MFHAS1: variants seen among roughly 807,000 people sequenced by gnomAD.
The protein encoded by MFHAS1 is multifunctional ROCO family signaling regulator 1, also known as malignant fibrous histiocytoma-amplified sequence 1.
In MFHAS1, 50 loss-of-function variants were observed where a neutral mutation model predicts 70.4. That is an observed-to-expected ratio of 0.71 (90% CI 0.57 to 0.90). MFHAS1 has a LOEUF of 0.90. Ranked by LOEUF, MFHAS1 falls within the 40% of genes least tolerant of loss-of-function variation. The pLI, the probability that MFHAS1 is intolerant of heterozygous loss-of-function variation, is 0.00. For synonymous variants in MFHAS1, 952 were observed against 620.0 expected, an observed-to-expected ratio of 1.54 and a Z score of -7.96; for missense variants, 1,795 against 1,347.6, an observed-to-expected ratio of 1.33 and a Z score of -5.20.
At chr8:8,800,859 G>A (rs976101343) in intron 1 of MFHAS1, among the ~76,000 whole-genome samples, 1 of 152,046 alleles carries the variant, frequency 6.6e-6, no homozygotes, top group East Asian at 1.9e-4. Context: ...CACCAGCCTG[G>A]TGCAGCAGGC....
chr8:8,818,441 A>C (rs1350216561), intron 1 of MFHAS1, among the ~76,000 whole-genome samples: 2 of 152,216 alleles, frequency 1.3e-5, no homozygotes, highest in Non-Finnish European at 2.9e-5. Context: ...GAGGAAGAGA[A>C]GGAGAAGGAC....
chr8:8,858,667 C>T (rs80025244), intron 1 of MFHAS1, among the ~76,000 whole-genome samples: 4,139 of 152,100 alleles, frequency 0.027, 192 homozygotes, highest in East Asian at 0.21. Flanking sequence ...GGTTCTAGGG[C>T]CCCCATCCCC....
At chr8:8,789,519 A>G (rs975674933) in intron 2 of MFHAS1, among the ~76,000 whole-genome samples, 8 of 152,162 alleles carry the variant, frequency 5.3e-5, no homozygotes, top group Admixed American at 4.6e-4. Flanking sequence ...TAGGGAATTG[A>G]AATCTGCCCT....
At position 8,862,680 on chromosome 8, in the gene MFHAS1, T is replaced by C. The variant is rs79557264; in HGVS notation, c.2998+27381A>G. Among the ~76,000 whole-genome samples, 519 of 152,274 alleles carry C rather than the reference T, an allele frequency of 3.4e-3. 7 individuals carry two copies. The highest frequency in any genetic ancestry group is 0.03 in the East Asian group (155 of 5,176). On this transcript the variant is annotated intron_variant, in intron 1 of 2. Transcript: ENST00000276282. Reference sequence around the variant, plus strand: ...CTAATTACACATTTGTCCAAACTCATAGAACACTAAGAGTGAACCCTACCT... The same window carrying C: ...CTAATTACACATTTGTCCAAACTCACAGAACACTAAGAGTGAACCCTACCT...
At position 8,835,746 on chromosome 8, in the gene MFHAS1, G is replaced by A. The variant is rs1214083277; in HGVS notation, c.2999-38255C>T. Among the ~76,000 whole-genome samples the A allele has an allele frequency of 3.9e-5, 6 of 152,144 alleles. No homozygotes were observed. The East Asian group carries it at 7.7e-4, about 19-fold the overall frequency. Reference sequence around the variant, plus strand: ...GTATTTGGGACACCCATTATACTACGTAGAAGAGTCAATATTCAGACCCAG... The same window carrying A: ...GTATTTGGGACACCCATTATACTACATAGAAGAGTCAATATTCAGACCCAG... On this transcript the variant is annotated intron_variant, in intron 1 of 2. Transcript: ENST00000276282.
At chr8:8,790,703 C>G (rs1476994744) in intron 2 of MFHAS1, among the ~76,000 whole-genome samples, 1 of 152,106 alleles carries the variant, frequency 6.6e-6, no homozygotes, top group Non-Finnish European at 1.5e-5. Context: ...TGTGATGAAG[C>G]CTAATTCATA....
chr8:8,888,505 A>G (rs540852494), intron 1 of MFHAS1, among the ~76,000 whole-genome samples: 3 of 149,926 alleles, frequency 2.0e-5, no homozygotes, highest in African/African-American at 7.3e-5. Context: ...TCCACAAAAA[A>G]ACAAAAAACA....
At position 8,892,963 on chromosome 8, in the gene MFHAS1, G is replaced by A. The variant is rs1343668851; in HGVS notation, c.96C>T (p.Leu32=). ...ARKLRSNLRQ[L]TLTAAGACPG... is the part of the protein sequence containing the mutation. ...GGCAGGCCCCGGCGGCGGTAAGCGT[G>A]AGCTGGCGCAGGTTGCTCCGCAGCT... Residue 32 remains leucine, a synonymous_variant, in exon 1 of 3, where the codon CTC becomes CTT. Coordinates refer to ENST00000276282, the MANE Select transcript of MFHAS1 (RefSeq NM_004225.3). The surrounding 1 kb of genome is among the most constrained non-coding windows in gnomAD (Gnocchi z 4.7). The A allele has an allele frequency of 1.4e-5, 21 of 1,544,164 alleles. No individual in the cohort carries two copies. The highest frequency in any genetic ancestry group is 1.7e-5 in the Non-Finnish European group (20 of 1,147,184).
At chr8:8,870,640 C>T (rs1485674826) in intron 1 of MFHAS1, among the ~76,000 whole-genome samples, 1 of 152,058 alleles carries the variant, frequency 6.6e-6, no homozygotes. Context: ...ATCTAACCAC[C>T]CCACACACAC....
At position 8,890,750 on chromosome 8, in the gene MFHAS1, A is replaced by G. The variant is rs747287530; in HGVS notation, c.2309T>C (p.Met770Thr). ...GKAEGESSPP[M>T]ARSTPSQELL... ...TTCCTGGCTGGGGGTGGACCGCGCC[A>G]TGGGCGGGGAGCTTTCCCCCTCCGC... Residue 770 changes from methionine (M) to threonine (T), a missense_variant, in exon 1 of 3, where the codon ATG becomes ACG. Physicochemically the swap from Met to Thr is moderately conservative, Grantham distance 81 (BLOSUM62 -1). Transcript: ENST00000276282. The G allele has an allele frequency of 1.9e-6, 3 of 1,613,766 alleles. No individual in the cohort carries two copies. The highest frequency in any genetic ancestry group is 2.5e-6 in the Non-Finnish European group (3 of 1,179,846).
intron 1 of MFHAS1, among the ~76,000 whole-genome samples, chr8:8,881,609 G>A (rs956250090): frequency 2.0e-4 from 30 of 152,148 alleles, no homozygotes; most frequent in Admixed American, 7.2e-4. Flanking sequence ...TGAGGCGGGC[G>A]GATCACCTGA....
chr8:8,836,929 C>A (rs1167499551), intron 1 of MFHAS1, among the ~76,000 whole-genome samples: 1 of 151,914 alleles, frequency 6.6e-6, no homozygotes, highest in Non-Finnish European at 1.5e-5. Context: ...TTAAAATGAC[C>A]CTTTAAAGAC....
intron 1 of MFHAS1, among the ~76,000 whole-genome samples, chr8:8,811,745 A>G (rs555237298): frequency 3.3e-5 from 5 of 152,352 alleles, no homozygotes; most frequent in African/African-American, 1.2e-4. Context: ...GGCCCTAGAT[A>G]TATGTTAAAG....
intron 1 of MFHAS1, among the ~76,000 whole-genome samples, chr8:8,843,107 T>C (rs1487497552): frequency 6.7e-6 from 1 of 149,448 alleles, no homozygotes; most frequent in East Asian, 2.0e-4. Flanking sequence ...CTACTAAAAA[T>C]ACAAAAAAAA....
At chr8:8,815,820 A>G (rs1162463189) in intron 1 of MFHAS1, among the ~76,000 whole-genome samples, 3 of 152,192 alleles carry the variant, frequency 2.0e-5, no homozygotes, top group African/African-American at 2.4e-5. Flanking sequence ...TCAACAGACA[A>G]CAAAGCATAT....
At chr8:8,870,912 G>A (rs745882586) in intron 1 of MFHAS1, among the ~76,000 whole-genome samples, 28 of 152,128 alleles carry the variant, frequency 1.8e-4, no homozygotes, top group Non-Finnish European at 3.8e-4. Flanking sequence ...TTCACACAAG[G>A]AGTCCTTACT....
chr8:8,878,208 G>T (rs993309181), intron 1 of MFHAS1, among the ~76,000 whole-genome samples: 4 of 152,190 alleles, frequency 2.6e-5, no homozygotes, highest in African/African-American at 9.7e-5. Context: ...TGAAGGGAGA[G>T]GAGGTGAGCT....
At position 8,890,378 on chromosome 8, in the gene MFHAS1, A is replaced by G. The variant is rs1244320093; in HGVS notation, c.2681T>C (p.Leu894Ser). 6.2e-7 allele frequency: 1 copy of G among 1,614,056 alleles called. No individual in the cohort carries two copies. The highest frequency in any genetic ancestry group is 1.3e-5 in the African/African-American group (1 of 74,938). The change falls in exon 1 of 3, where the codon TTG (leucine) becomes TCG (serine). Residue 894 changes from leucine (L) to serine (S), a missense_variant. Transcript: ENST00000276282. ...GATCTGGACACTGTAGCGTGCAAAC[A>G]ACCCAAGTGGAAAAGTAAAAGGAAA... ...YSFPFTFPLGLFARYSVQINS... is the reference protein window; with the variant it reads ...YSFPFTFPLGSFARYSVQINS...
intron 1 of MFHAS1, among the ~76,000 whole-genome samples, chr8:8,803,516 CAAA>C (rs34602481): frequency 1.8e-4 from 22 of 125,620 alleles, no homozygotes; most frequent in Admixed American, 1.5e-4. Flanking sequence ...GACCCTGTCT[CAAA>C]AAAAAAAAAA....
Sources: allele counts gnomAD v4.1 joint callset (sites outside exome capture counted in the v4.1 genomes callset), GRCh38; gene constraint gnomAD v4.1.1; non-coding constraint Gnocchi (gnomAD v3.1); transcripts MANE v1.5; gene names NCBI Gene and HGNC (gene_info 2026-07-23, HGNC 2026-07-21).